The following DPP10 variants were observed in gnomAD, a reference collection of about 807,000 sequenced individuals.
The protein encoded by DPP10 is dipeptidyl peptidase like 10.
A neutral mutation model predicts 120.9 loss-of-function variants in DPP10; 33 were observed. The ratio of observed to expected loss-of-function variants is 0.27; its 90% CI spans 0.21 to 0.37. The LOEUF is 0.37. Among genes scored for constraint, DPP10 ranks in the 10% least tolerant of loss-of-function variants. The probability of loss-of-function intolerance (pLI) is 1.00; values close to 1 mark genes in which losing one functional copy is unlikely to be tolerated. For missense variants in DPP10, 816 were observed against 942.8 expected, an observed-to-expected ratio of 0.87 and a Z score of 1.76; for synonymous variants, 337 against 326.1, an observed-to-expected ratio of 1.03 and a Z score of -0.36.
rs1430352335 is a variant in DPP10 at position 115,519,413 on chromosome 2, A to G, written c.367-6485A>G. Among the ~76,000 whole-genome samples the G allele has an allele frequency of 2.6e-5, 4 of 152,174 alleles. No individual in the cohort carries two copies. The East Asian group carries it at 7.7e-4, about 29-fold the overall frequency. Reference sequence around the variant, plus strand: ...CTCCAATATCAAAATGCATGGTAACAAGAAAATATATATATAGAGAGAGCA... The same window carrying G: ...CTCCAATATCAAAATGCATGGTAACGAGAAAATATATATATAGAGAGAGCA... On this transcript the variant is annotated intron_variant, in intron 4 of 25. Coordinates refer to ENST00000410059, the MANE Select transcript of DPP10 (RefSeq NM_020868.6).
intron 1 of DPP10, among the ~76,000 whole-genome samples, chr2:114,515,874 A>T (rs1418477293): frequency 6.6e-6 from 1 of 151,410 alleles, no homozygotes; most frequent in Non-Finnish European, 1.5e-5. Flanking sequence ...TTCATTATGG[A>T]TCTCCTTAGC....
chr2:115,648,127 C>T (rs2087434549), intron 5 of DPP10, among the ~76,000 whole-genome samples: 1 of 151,870 alleles, frequency 6.6e-6, no homozygotes, highest in South Asian at 2.1e-4. Flanking sequence ...GAAGAATTCT[C>T]CACCAGAGCA....
intron 1 of DPP10, among the ~76,000 whole-genome samples, chr2:114,726,806 T>A (rs1473895278): frequency 6.6e-6 from 1 of 152,216 alleles, no homozygotes; most frequent in Non-Finnish European, 1.5e-5. Context: ...TAAGCTCATT[T>A]TTTCCTGGGA....
At chr2:115,375,067 G>A (rs1264284346) in intron 3 of DPP10, among the ~76,000 whole-genome samples, 1 of 152,152 alleles carries the variant, frequency 6.6e-6, no homozygotes, top group African/African-American at 2.4e-5. Flanking sequence ...AAGAAAATGG[G>A]TTTTTCTTTT....
chr2:115,700,482 C>T (rs1009485214), intron 7 of DPP10, among the ~76,000 whole-genome samples: 1 of 151,964 alleles, frequency 6.6e-6, no homozygotes, highest in African/African-American at 2.4e-5. Flanking sequence ...GATCATTATA[C>T]TTAATGGTCA....
chr2:115,306,547 G>A (rs1350889527), intron 1 of DPP10, among the ~76,000 whole-genome samples: 1 of 151,950 alleles, frequency 6.6e-6, no homozygotes, highest in African/African-American at 2.4e-5. Flanking sequence ...AAGAACTTTG[G>A]AGAAAAAAAG....
intron 1 of DPP10, among the ~76,000 whole-genome samples, chr2:114,945,932 A>G (rs1417131192): frequency 2.0e-5 from 3 of 152,220 alleles, no homozygotes; most frequent in African/African-American, 7.2e-5. Context: ...TATTGATAAC[A>G]TGTACTCTAA....
chr2:114,956,439 C>T (rs565041314), intron 1 of DPP10, among the ~76,000 whole-genome samples: 1 of 151,026 alleles, frequency 6.6e-6, no homozygotes, highest in East Asian at 1.9e-4. Context: ...TGATGAAAAA[C>T]ATTGAAGAAG....
At chr2:114,541,298 G>C (rs368280383) in intron 1 of DPP10, among the ~76,000 whole-genome samples, 1 of 152,130 alleles carries the variant, frequency 6.6e-6, no homozygotes, top group East Asian at 1.9e-4. Context: ...TCCATCCAGT[G>C]GTTTGTATGA....
intron 1 of DPP10, among the ~76,000 whole-genome samples, chr2:114,460,429 G>T (rs1678834864): frequency 6.6e-6 from 1 of 152,006 alleles, no homozygotes; most frequent in South Asian, 2.1e-4. Flanking sequence ...ACTTCCTAGA[G>T]AAAAAGCTCC....
At chr2:115,477,005 G>T (rs926195919) in intron 3 of DPP10, among the ~76,000 whole-genome samples, 5 of 152,054 alleles carry the variant, frequency 3.3e-5, no homozygotes, top group African/African-American at 9.7e-5. Context: ...AGGAATAAAA[G>T]AAAACTATTT....
chr2:115,204,093 G>A (rs1047852015), intron 1 of DPP10, among the ~76,000 whole-genome samples: 2 of 150,408 alleles, frequency 1.3e-5, no homozygotes, highest in African/African-American at 2.5e-5. Context: ...TTGATTTTAG[G>A]CTACTTGTGA....
chr2:115,688,034 A>AGAG (rs2091101319), intron 5 of DPP10, among the ~76,000 whole-genome samples: 2 of 150,200 alleles, frequency 1.3e-5, no homozygotes, highest in African/African-American at 4.9e-5. Flanking sequence ...GAGAGAGAAA[A>AGAG]AGAGAGAGAG....
intron 3 of DPP10, among the ~76,000 whole-genome samples, chr2:115,397,992 A>T (rs1033464103): frequency 6.6e-6 from 1 of 152,116 alleles, no homozygotes; most frequent in Non-Finnish European, 1.5e-5. Flanking sequence ...CATAGAAAAA[A>T]TGTTCACGGC....
At chr2:115,416,514 G>T (rs2069446105) in intron 3 of DPP10, among the ~76,000 whole-genome samples, 1 of 152,078 alleles carries the variant, frequency 6.6e-6, no homozygotes, top group South Asian at 2.1e-4. Context: ...AGTCCATTCT[G>T]CAAAACCCTA....
chr2:114,712,345 T>C (rs1257047712), intron 1 of DPP10, among the ~76,000 whole-genome samples: 1 of 152,020 alleles, frequency 6.6e-6, no homozygotes, highest in Admixed American at 6.6e-5. Context: ...AATAAAGTAG[T>C]CTTATATATT....
chr2:115,272,636 C>G (rs999826089), intron 1 of DPP10, among the ~76,000 whole-genome samples: 1 of 152,244 alleles, frequency 6.6e-6, no homozygotes, highest in Non-Finnish European at 1.5e-5. Flanking sequence ...ACGTCTCCTT[C>G]TAACAAAATA....
intron 5 of DPP10, among the ~76,000 whole-genome samples, chr2:115,545,220 T>C (rs538929777): frequency 6.6e-6 from 1 of 152,264 alleles, no homozygotes; most frequent in South Asian, 2.1e-4. Flanking sequence ...GACAGACATA[T>C]ATCTTGATCT....
At chr2:115,028,792 C>T (rs1703645891) in intron 1 of DPP10, among the ~76,000 whole-genome samples, 1 of 151,934 alleles carries the variant, frequency 6.6e-6, no homozygotes, top group South Asian at 2.1e-4. Flanking sequence ...TGAATTGATC[C>T]CTTTATCTTT....
Sources: allele counts gnomAD v4.1 joint callset (sites outside exome capture counted in the v4.1 genomes callset), GRCh38; gene constraint gnomAD v4.1.1; transcripts MANE v1.5; gene names NCBI Gene and HGNC (gene_info 2026-07-23, HGNC 2026-07-21).